Variants in SLC16A7 observed in about 807,000 individuals in gnomAD.
The protein encoded by SLC16A7 is solute carrier family 16 member 7, also known as monocarboxylate transporter 2.
SLC16A7 carries 33 observed loss-of-function variants against 34.9 expected under a neutral mutation model. The ratio of observed to expected loss-of-function variants is 0.94; its 90% CI spans 0.72 to 1.26. The LOEUF is 1.26. Among genes scored for constraint, SLC16A7 ranks in the 50% most tolerant of loss-of-function variants. The pLI is 0.00. For synonymous variants in SLC16A7, 201 were observed against 206.6 expected (o/e 0.97, Z 0.23); for missense variants, 573 against 578.1 (o/e 0.99, Z 0.09).
At chr12:59,745,931 T>C (rs1435922329) in intron 3 of SLC16A7, among the ~76,000 whole-genome samples, 2 of 152,146 alleles carry the variant, frequency 1.3e-5, no homozygotes, top group Admixed American at 1.3e-4. Context: ...CATGAAAGAA[T>C]GGAAAACATA....
rs941721167 is a variant in SLC16A7 at position 59,782,211 on chromosome 12, A to G, written c.*2532A>G. On this transcript the variant is annotated 3_prime_UTR_variant, in exon 6 of 6. Coordinates refer to ENST00000547379, the MANE Select transcript of SLC16A7 (RefSeq NM_001270623.2). ...TTAACTGCTATGCATAAATATTGAC[A>G]GTTAAACCAGAACACAATTGAAACA... The G allele has an allele frequency of 6.6e-6, 1 of 152,222 alleles. No homozygotes were observed. The highest frequency in any genetic ancestry group is 2.4e-5 in the African/African-American group (1 of 41,464). 9.4% of individuals were successfully genotyped at this position (152,222 alleles called of 1,614,324 possible).
intron 3 of SLC16A7, among the ~76,000 whole-genome samples, chr12:59,752,908 C>A (rs1487569094): frequency 6.6e-6 from 1 of 152,114 alleles, no homozygotes; most frequent in African/African-American, 2.4e-5. Context: ...GCGGATCTCT[C>A]GGCAGAAACT....
rs545108484 is a variant in SLC16A7, at chr12:59,710,770, T to C, written c.217+5752T>C. The stretch of plus-strand genomic sequence containing the variant: ...TATATCATTACTCACTTTATGCAGA[T>C]GTGTTTTTGTTGTAAATGACAGAAA... On this transcript the variant is annotated intron_variant, in intron 3 of 5. Coordinates refer to ENST00000547379, the MANE Select transcript of SLC16A7 (RefSeq NM_001270623.2). Among the ~76,000 whole-genome samples the C allele has an allele frequency of 1.4e-3, 212 of 152,296 alleles. 1 individual carries two copies. Among genetic ancestry groups the C allele is most frequent in the Middle Eastern group, 6.8e-3 (2 of 294 alleles).
At chr12:59,634,342 ATTAC>A (rs1880321544) in intron 1 of SLC16A7, among the ~76,000 whole-genome samples, 1 of 152,110 alleles carries the variant, frequency 6.6e-6, no homozygotes, top group African/African-American at 2.4e-5. Context: ...ATTATTCAAT[ATTAC>A]TTGTTAAAGC....
rs1882629954 is a variant in SLC16A7 at position 59,775,176 on chromosome 12, T to C, written c.881T>C (p.Met294Thr). 1 of 1,614,168 alleles carries C rather than the reference T, an allele frequency of 6.2e-7. No individual in the cohort carries two copies. Among genetic ancestry groups the C allele is most frequent in the African/African-American group, 1.3e-5 (1 of 75,052 alleles). Reference protein sequence around the residue: ...FLLSVMAFVDMFARPSVGLIA... With the variant: ...FLLSVMAFVDTFARPSVGLIA... ...CTATCTGTTATGGCTTTCGTTGATA[T>C]GTTTGCTAGGCCTTCTGTAGGATTA... The change falls in exon 5 of 6, where the codon ATG becomes ACG. Residue 294 changes from methionine to threonine, a missense_variant. Coordinates refer to ENST00000547379, the MANE Select transcript of SLC16A7 (RefSeq NM_001270623.2).
At chr12:59,753,032 ATACTC>A (rs911728526) in intron 3 of SLC16A7, among the ~76,000 whole-genome samples, 1 of 152,208 alleles carries the variant, frequency 6.6e-6, no homozygotes, top group African/African-American at 2.4e-5. Flanking sequence ...GAGAAATAAA[ATACTC>A]TACAGACAAG....
intron 3 of SLC16A7, among the ~76,000 whole-genome samples, chr12:59,723,075 A>T (rs1177382489): frequency 6.6e-6 from 1 of 151,972 alleles, no homozygotes. Context: ...GAATATAAAT[A>T]TCATGAGAGC....
intron 1 of SLC16A7, among the ~76,000 whole-genome samples, chr12:59,645,400 C>G (rs1880862993): frequency 1.3e-5 from 2 of 152,118 alleles, no homozygotes; most frequent in African/African-American, 4.8e-5. Flanking sequence ...ACATGCTGCT[C>G]TTATGATAGT....
Position 59,787,306 on chromosome 12 carries a change from C to T in SLC16A7, c.*7627C>T, listed in dbSNP as rs1883693144. 6.6e-6 allele frequency: 1 copy of T among 152,058 alleles called. No individual in the cohort carries two copies. 9.4% of individuals were successfully genotyped at this position (152,058 alleles called of 1,614,324 possible). On this transcript the variant is annotated 3_prime_UTR_variant, in exon 6 of 6. Coordinates refer to ENST00000547379, the MANE Select transcript of SLC16A7 (RefSeq NM_001270623.2). ...TCTACAGTATTTCTTGATCTAAGAA[C>T]CTGAACATATGTTAATGAAATTATT...
At chr12:59,740,169 T>C (rs1347130937) in intron 3 of SLC16A7, among the ~76,000 whole-genome samples, 1 of 151,696 alleles carries the variant, frequency 6.6e-6, no homozygotes, top group African/African-American at 2.4e-5. Flanking sequence ...AGGCTTTTTA[T>C]GGTTTTAGGT....
intron 1 of SLC16A7, among the ~76,000 whole-genome samples, chr12:59,603,904 G>T (rs909777481): frequency 6.6e-6 from 1 of 152,130 alleles, no homozygotes; most frequent in African/African-American, 2.4e-5. Flanking sequence ...TTCTACTTGT[G>T]ACTCAAATTT....
intron 1 of SLC16A7, among the ~76,000 whole-genome samples, chr12:59,613,768 C>T (rs574953655): frequency 9.9e-5 from 15 of 152,144 alleles, no homozygotes; most frequent in South Asian, 2.1e-4. Flanking sequence ...GAGCATGGAA[C>T]ATCTGTGTTT....
At chr12:59,635,957 A>G (rs1250283426) in intron 1 of SLC16A7, among the ~76,000 whole-genome samples, 1 of 151,750 alleles carries the variant, frequency 6.6e-6, no homozygotes, top group Non-Finnish European at 1.5e-5. Flanking sequence ...ACATATTTAA[A>G]TATTTAAACA....
intron 5 of SLC16A7, among the ~76,000 whole-genome samples, chr12:59,778,577 A>T (rs1163380054): frequency 6.6e-6 from 1 of 152,174 alleles, no homozygotes; most frequent in Non-Finnish European, 1.5e-5. Flanking sequence ...ACAAAACTAA[A>T]TATAAGCTGA....
rs1342539913 is a variant in SLC16A7 at position 59,783,923 on chromosome 12, C to T, written c.*4244C>T. 1 of 152,148 alleles carries T rather than the reference C, an allele frequency of 6.6e-6. No individual in the cohort carries two copies. Among genetic ancestry groups the T allele is most frequent in the Non-Finnish European group, 1.5e-5 (1 of 68,062 alleles). 9.4% of individuals were successfully genotyped at this position (152,148 alleles called of 1,614,324 possible). A position where few individuals can be genotyped will look rare whatever the true frequency, so the allele number is the denominator to read the frequency against. ...TTGAACTCTGACCTCAGGTGATTCA[C>T]TCGCCTCTGCCTCCCAAAGTGCTGG... is the stretch of plus-strand genomic sequence containing the variant. On this transcript the variant is annotated 3_prime_UTR_variant, in exon 6 of 6. Transcript: ENST00000547379.
At chr12:59,667,764 G>A (rs1869326671) in intron 2 of SLC16A7, among the ~76,000 whole-genome samples, 1 of 152,212 alleles carries the variant, frequency 6.6e-6, no homozygotes, top group Non-Finnish European at 1.5e-5. Flanking sequence ...AACGTCTCCA[G>A]GGTATATCAG....
chr12:59,605,092 C>G (rs528938997), intron 1 of SLC16A7, among the ~76,000 whole-genome samples: 3 of 152,212 alleles, frequency 2.0e-5, no homozygotes, highest in African/African-American at 7.2e-5. Flanking sequence ...ACCTTTTGAT[C>G]CTCCCACCTC....
intron 3 of SLC16A7, among the ~76,000 whole-genome samples, chr12:59,715,997 A>G (rs1364015453): frequency 6.6e-6 from 1 of 152,206 alleles, no homozygotes; most frequent in Admixed American, 6.5e-5. Flanking sequence ...AAAGGAACAC[A>G]ACTTTCTTAA....
At chr12:59,655,382 T>C (rs748875356) in intron 2 of SLC16A7, 132 bp downstream of exon 2, 2 of 151,988 alleles carry the variant, frequency 1.3e-5, no homozygotes, top group Non-Finnish European at 2.9e-5. Flanking sequence ...TTTTCTAAAA[T>C]AGGACATATC....
Sources: gnomAD v4.1 joint callset for allele counts (sites outside exome capture counted in the v4.1 genomes callset) on GRCh38, gnomAD v4.1.1 for gene constraint, MANE v1.5 for transcripts, NCBI Gene and HGNC (gene_info 2026-07-23, HGNC 2026-07-21) for gene names.